Variants in FHIP2B observed in about 807,000 individuals in gnomAD.
FHIP2B encodes FHF complex subunit HOOK interacting protein 2B.
Under a neutral mutation model 84.0 loss-of-function variants are expected in FHIP2B, and 72 were observed. That is an observed-to-expected ratio of 0.86 (90% confidence interval 0.71 to 1.04). FHIP2B has a LOEUF of 1.04. Ranked by LOEUF, FHIP2B falls within the 50% of genes least tolerant of loss-of-function variation. FHIP2B has a pLI of 0.00. For synonymous variants in FHIP2B, 497 were observed against 418.7 expected (o/e 1.19, Z -2.28); for missense variants, 972 against 968.9 (o/e 1.00, Z -0.04).
intron 1 of FHIP2B, among the ~76,000 whole-genome samples, chr8:22,091,234 T>G (rs1825474698): frequency 6.9e-6 from 1 of 144,124 alleles, no homozygotes; most frequent in African/African-American, 2.5e-5. Flanking sequence ...TTAGGAATCA[T>G]TACAGCTTTT....
Position 22,099,766 on chromosome 8 carries a change from C to G in FHIP2B, c.1214C>G (p.Ser405Cys). 1 of 1,611,280 alleles carries G rather than the reference C, an allele frequency of 6.2e-7. No individual in the cohort carries two copies. Residue 405 changes from serine (S) to cysteine (C), a missense_variant, in exon 10 of 17, where the codon TCC (serine) becomes TGC (cysteine). Physicochemically the swap from Ser to Cys is moderately radical, Grantham distance 112. Transcript: ENST00000289921. The stretch of plus-strand genomic sequence containing the variant: ...ACAGCCATGCTGCGCCAGCTTCGCT[C>G]CCCTGCGCTGCTGCGGGAGGCCGTG... ...LLTAMLRQLR[S>C]PALLREAVAF...
intron 3 of FHIP2B, chr8:22,097,154 T>G: frequency 2.9e-5 from 9 of 315,472 alleles, no homozygotes; most frequent in South Asian, 1.0e-4. Flanking sequence ...GGAAAAGGGG[T>G]TGTGAGTGCC....
chr8:22,101,153 C>A, intron 12 of FHIP2B, 181 bp downstream of exon 12: 1 of 757,532 alleles, frequency 1.3e-6, no homozygotes, highest in Non-Finnish European at 2.1e-6. Flanking sequence ...CTCCCGAGTA[C>A]CTGGGATTAC....
chr8:22,094,951 G>A (rs1174563377), intron 2 of FHIP2B: 9 of 993,882 alleles, frequency 9.1e-6, no homozygotes, highest in Non-Finnish European at 1.1e-5. Flanking sequence ...TAGAGATCTG[G>A]GGTAGGAGGA....
chr8:22,097,940 G>C (rs898250344), intron 5 of FHIP2B, 101 bp downstream of exon 5: 19 of 1,554,384 alleles, frequency 1.2e-5, no homozygotes, highest in Non-Finnish European at 1.6e-5. Context: ...AGGTACCCGG[G>C]AGGCACGCAG....
At chr8:22,094,746 G>T in intron 2 of FHIP2B, 3 of 1,339,678 alleles carry the variant, frequency 2.2e-6, no homozygotes, top group Non-Finnish European at 2.9e-6. Flanking sequence ...TTGGAAAGAG[G>T]CTGTGTGAGG....
At chr8:22,089,706 G>T in intron 1 of FHIP2B, 2 of 1,171,506 alleles carry the variant, frequency 1.7e-6, no homozygotes, top group Non-Finnish European at 2.2e-6. Flanking sequence ...CCACCCCACC[G>T]CCTCGCCTGG....
chr8:22,091,648 C>A lies in FHIP2B; in HGVS notation c.45+2350C>A, dbSNP rs149115558. On this transcript the variant is annotated intron_variant, in intron 1 of 16. Coordinates refer to ENST00000289921, the MANE Select transcript of FHIP2B (RefSeq NM_022749.7). The stretch of plus-strand genomic sequence containing the variant: ...AGGTAAAGATCACACACCTGTGTCA[C>A]CAGCTCTCTAATGGCCTGTGCTGGT... Among the ~76,000 whole-genome samples the A allele has an allele frequency of 2.2e-3, 329 of 152,296 alleles. 2 individuals carry two copies. The highest frequency in any genetic ancestry group is 7.5e-3 in the African/African-American group (310 of 41,558).
rs1302166706 is a variant in FHIP2B at position 22,102,577 on chromosome 8, G to A, written c.2042G>A (p.Gly681Asp). 1.3e-6 allele frequency: 2 copies of A among 1,564,570 alleles called. No individual in the cohort carries two copies. The highest frequency in any genetic ancestry group is 1.7e-6 in the Non-Finnish European group (2 of 1,154,906). The change falls in exon 16 of 17, where the codon GGC becomes GAC. Residue 681 changes from glycine to aspartate, a missense_variant. Gly to Asp is a moderately conservative substitution (Grantham distance 94). Transcript: ENST00000289921. The part of the protein sequence containing the change: ...QRIQRVPQFP[G>D]KLLLVRKQLT... Reference sequence around the variant, plus strand: ...ATCCAGAGGGTACCCCAGTTCCCAGGCAAGCTGCTCCTGGTGCGCAAGCAG... The same window carrying A: ...ATCCAGAGGGTACCCCAGTTCCCAGACAAGCTGCTCCTGGTGCGCAAGCAG...
At position 22,103,724 on chromosome 8, in the gene FHIP2B, C is replaced by T. The variant is rs1243403738; in HGVS notation, c.*793C>T. The T allele has an allele frequency of 6.6e-6, 1 of 152,348 alleles. No homozygotes were observed. The highest frequency in any genetic ancestry group is 1.5e-5 in the Non-Finnish European group (1 of 68,118). The allele number at this position is 152,348 out of a possible 1,614,324, so 9.4% of individuals were successfully genotyped here. A position where few individuals can be genotyped will look rare whatever the true frequency, so the allele number is the denominator to read the frequency against. ...AGACCAGGGGAGGCCGGGCCTTGCC[C>T]TCCCTTCTGCCCAGGGCCCAGTGTT... is the stretch of plus-strand genomic sequence containing the variant. On this transcript the variant is annotated 3_prime_UTR_variant, in exon 17 of 17. Coordinates refer to ENST00000289921, the MANE Select transcript of FHIP2B (RefSeq NM_022749.7).
chr8:22,102,501 C>T, intron 15 of FHIP2B, 27 bp from the exon 16 acceptor site: 1 of 1,548,918 alleles, frequency 6.5e-7, no homozygotes, highest in Non-Finnish European at 8.7e-7. Context: ...CTGGCCCCAT[C>T]TGAGTCCCCT....
chr8:22,093,533 G>T (rs1219234616), intron 1 of FHIP2B, among the ~76,000 whole-genome samples: 1 of 152,050 alleles, frequency 6.6e-6, no homozygotes, highest in African/African-American at 2.4e-5. Flanking sequence ...TGAGGAGTTG[G>T]GGTTGTGCAG....
chr8:22,099,182 C>G, intron 8 of FHIP2B, 102 bp from the exon 9 acceptor site: 4 of 1,520,906 alleles, frequency 2.6e-6, no homozygotes, highest in Non-Finnish European at 3.6e-6. Context: ...CCAGGCGGGC[C>G]GGGACCCTCT....
At chr8:22,093,706 G>GTTTTTT (rs1328224891) in intron 1 of FHIP2B, among the ~76,000 whole-genome samples, 95 of 36,136 alleles carry the variant, frequency 2.6e-3, no homozygotes, top group Admixed American at 5.2e-3. Context: ...GAAAAGCTTT[G>GTTTTTT]TCTTTTTTTT....
rs761309765 is a variant in FHIP2B, at chr8:22,100,969, A to G, written c.1613A>G (p.Asn538Ser). 1.9e-6 allele frequency: 3 copies of G among 1,613,722 alleles called. No homozygotes were observed. The highest frequency in any genetic ancestry group is 1.6e-4 in the Middle Eastern group (1 of 6,062). The change falls in exon 12 of 17, where the codon AAC becomes AGC. Residue 538 changes from asparagine (N) to serine (S), a missense_variant. Transcript: ENST00000289921. ...DGKTAVTEIV[N>S]SFLCLVPEEA... is the part of the protein sequence containing the mutation. ...AAAACAGCAGTGACCGAGATCGTCA[A>G]CAGGTGGGGAGCAAGTTAGGCAGTC...
At chr8:22,093,705 T>A (rs1825613545) in intron 1 of FHIP2B, among the ~76,000 whole-genome samples, 1 of 127,288 alleles carries the variant, frequency 7.9e-6, no homozygotes, top group Non-Finnish European at 1.6e-5. Context: ...GGAAAAGCTT[T>A]GTCTTTTTTT....
chr8:22,101,106 C>T, intron 12 of FHIP2B, 134 bp downstream of exon 12: 1 of 1,231,206 alleles, frequency 8.1e-7, no homozygotes, highest in Non-Finnish European at 1.1e-6. Flanking sequence ...ACCTCCACCT[C>T]CCGGGTTCCG....
intron 7 of FHIP2B, 67 bp from the exon 8 acceptor site, chr8:22,098,881 G>A (rs749692569): frequency 1.7e-5 from 23 of 1,345,092 alleles, no homozygotes; most frequent in Non-Finnish European, 2.1e-5. Context: ...CCAGTTTCAG[G>A]ACACATTGAG....
At chr8:22,101,592 C>G in intron 13 of FHIP2B, 62 bp downstream of exon 13, 1 of 1,568,020 alleles carries the variant, frequency 6.4e-7, no homozygotes, top group Non-Finnish European at 8.7e-7. Context: ...GTCATAAGCT[C>G]TGGGTTCCGC....
Sources: allele counts gnomAD v4.1 joint callset (sites outside exome capture counted in the v4.1 genomes callset), GRCh38; gene constraint gnomAD v4.1.1; transcripts MANE v1.5; gene names NCBI Gene and HGNC (gene_info 2026-07-23, HGNC 2026-07-21).